Variants in CDH18 observed in about 807,000 individuals in gnomAD.
CDH18 encodes cadherin 18, also known as cadherin-18.
Under a neutral mutation model 67.9 loss-of-function variants are expected in CDH18, and 31 were observed. That is an observed-to-expected ratio of 0.46 (90% CI 0.34 to 0.62). CDH18 has a LOEUF of 0.62. CDH18 is among the 20% of genes least tolerant of loss of function. The pLI is 0.01. For synonymous variants in CDH18, 362 were observed against 347.2 expected, an observed-to-expected ratio of 1.04 and a Z score of -0.48; for missense variants, 890 against 975.5, an observed-to-expected ratio of 0.91 and a Z score of 1.17.
intron 1 of CDH18, among the ~76,000 whole-genome samples, chr5:20,302,186 A>G (rs1194105073): frequency 6.6e-6 from 1 of 152,176 alleles, no homozygotes; most frequent in East Asian, 1.9e-4. Context: ...AGTCCACATT[A>G]AACATTTTAA....
At chr5:19,775,438 C>T (rs766586121) in intron 3 of CDH18, among the ~76,000 whole-genome samples, 1 of 152,074 alleles carries the variant, frequency 6.6e-6, no homozygotes, top group African/African-American at 2.4e-5. Context: ...ACTGTGGATG[C>T]GGAATCTGCT....
intron 1 of CDH18, among the ~76,000 whole-genome samples, chr5:20,341,919 A>G (rs548128347): frequency 6.6e-6 from 1 of 152,262 alleles, no homozygotes; most frequent in South Asian, 2.1e-4. Flanking sequence ...TGGAGGACCA[A>G]GGAACATAAT....
At chr5:20,188,060 T>C (rs193217837) in intron 2 of CDH18, among the ~76,000 whole-genome samples, 85 of 151,990 alleles carry the variant, frequency 5.6e-4, no homozygotes, top group East Asian at 2.3e-3. Flanking sequence ...ATGCCACATA[T>C]TGATGTAACT....
chr5:20,341,772 A>G (rs1740284765), intron 1 of CDH18, among the ~76,000 whole-genome samples: 1 of 152,018 alleles, frequency 6.6e-6, no homozygotes, highest in African/African-American at 2.4e-5. Context: ...TTCTAGTAGT[A>G]TGGAGAACAC....
At chr5:20,115,824 G>A (rs1231266037) in intron 2 of CDH18, among the ~76,000 whole-genome samples, 1 of 152,044 alleles carries the variant, frequency 6.6e-6, no homozygotes. Context: ...GAGTAAAGTG[G>A]TTGCTTCCTA....
At chr5:20,354,412 C>G (rs1741441260) in intron 1 of CDH18, among the ~76,000 whole-genome samples, 1 of 151,988 alleles carries the variant, frequency 6.6e-6, no homozygotes, top group Non-Finnish European at 1.5e-5. Flanking sequence ...AATTCCTGAC[C>G]TTGCTTTATT....
At chr5:19,728,652 T>C (rs956314054) in intron 4 of CDH18, among the ~76,000 whole-genome samples, 2 of 152,156 alleles carry the variant, frequency 1.3e-5, no homozygotes, top group Admixed American at 6.6e-5. Flanking sequence ...AAATATTTAA[T>C]AAGGCATTTT....
Position 19,483,311 on chromosome 5 carries a change from G to A in CDH18, c.1872C>T (p.Leu624=). The change falls in exon 12 of 13, where the codon CTC becomes CTT. Residue 624 remains leucine (L), a synonymous_variant. Transcript: ENST00000382275. ...GALIAILLCV[L]ILLAIVVLFI... ...TTTAGAATGACTTACCCAGGAGAAT[G>A]AGAACACAGAGAAGAATAGCGATTA... 6.2e-7 allele frequency: 1 copy of A among 1,613,026 alleles called. No homozygotes were observed. The highest frequency in any genetic ancestry group is 8.5e-7 in the Non-Finnish European group (1 of 1,179,438).
chr5:19,743,236 TTC>T (rs1217042155), intron 4 of CDH18, among the ~76,000 whole-genome samples: 3 of 152,214 alleles, frequency 2.0e-5, no homozygotes, highest in Non-Finnish European at 2.9e-5. Flanking sequence ...AACGCTATAT[TTC>T]TGTCTATATG....
chr5:19,516,059 A>AG (rs1416422425), intron 10 of CDH18, among the ~76,000 whole-genome samples: 1 of 152,104 alleles, frequency 6.6e-6, no homozygotes, highest in South Asian at 2.1e-4. Flanking sequence ...TTTAGCATGA[A>AG]GGGCTGTTGA....
intron 1 of CDH18, among the ~76,000 whole-genome samples, chr5:20,497,303 C>T (rs945355999): frequency 3.3e-5 from 5 of 152,076 alleles, no homozygotes; most frequent in African/African-American, 7.2e-5. Flanking sequence ...TAAAATATAT[C>T]ACAGGCTAAT....
At chr5:19,674,909 A>C (rs2150362307) in intron 5 of CDH18, among the ~76,000 whole-genome samples, 1 of 152,278 alleles carries the variant, frequency 6.6e-6, no homozygotes, top group East Asian at 1.9e-4. Flanking sequence ...AGATAAAAGA[A>C]GAAACGGTCA....
At chr5:20,368,217 A>C (rs1742681735) in intron 1 of CDH18, among the ~76,000 whole-genome samples, 1 of 152,220 alleles carries the variant, frequency 6.6e-6, no homozygotes, top group Non-Finnish European at 1.5e-5. Flanking sequence ...AAAATGCAAA[A>C]TAATTTTGTG....
intron 4 of CDH18, among the ~76,000 whole-genome samples, chr5:19,728,544 G>A (rs1264071368): frequency 6.6e-6 from 1 of 151,910 alleles, no homozygotes; most frequent in East Asian, 1.9e-4. Context: ...TTGTTTTTTG[G>A]TACTACTGCT....
intron 1 of CDH18, among the ~76,000 whole-genome samples, chr5:20,354,126 G>A (rs1741418144): frequency 6.6e-6 from 1 of 152,086 alleles, no homozygotes; most frequent in Non-Finnish European, 1.5e-5. Flanking sequence ...TTTTTTGATA[G>A]TTTTAACTTC....
At chr5:19,873,955 A>G (rs1293108090) in intron 2 of CDH18, among the ~76,000 whole-genome samples, 2 of 152,110 alleles carry the variant, frequency 1.3e-5, no homozygotes, top group Non-Finnish European at 2.9e-5. Flanking sequence ...GCCAAAAAAA[A>G]TCATTTTTGA....
At chr5:20,420,811 A>G in intron 1 of CDH18, among the ~76,000 whole-genome samples, 1 of 151,286 alleles carries the variant, frequency 6.6e-6, no homozygotes, top group East Asian at 1.9e-4. Flanking sequence ...ATTCAGAACT[A>G]TAATAACTTT....
At chr5:20,117,652 G>T (rs1748031751) in intron 2 of CDH18, among the ~76,000 whole-genome samples, 1 of 152,116 alleles carries the variant, frequency 6.6e-6, no homozygotes, top group Non-Finnish European at 1.5e-5. Context: ...TAAAATGGAA[G>T]ATATTTTAGA....
chr5:20,559,948 G>A (rs73053432), intron 1 of CDH18, among the ~76,000 whole-genome samples: 4,167 of 74,332 alleles, frequency 0.056, 189 homozygotes, highest in African/African-American at 0.18. Context: ...TCCCTGCTAG[G>A]TCTGTTGCCT....
Sources: allele counts gnomAD v4.1 joint callset (sites outside exome capture counted in the v4.1 genomes callset), GRCh38; gene constraint gnomAD v4.1.1; transcripts MANE v1.5; gene names NCBI Gene and HGNC (gene_info 2026-07-23, HGNC 2026-07-21).